The following ETV6 variants were observed in gnomAD, a reference collection of about 807,000 sequenced individuals.
The protein encoded by ETV6 is transcription factor ETV6.
ETV6 carries 16 observed loss-of-function variants against 51.1 expected under a neutral mutation model. The ratio of observed to expected loss-of-function variants is 0.31; its 90% CI spans 0.21 to 0.48. The LOEUF is 0.48. Ranked by LOEUF, ETV6 falls within the 20% of genes least tolerant of loss-of-function variation. ETV6 has a pLI of 0.99. For missense variants in ETV6, 458 were observed against 594.8 expected (o/e 0.77, Z 2.39); for synonymous variants, 240 against 224.1 (o/e 1.07, Z -0.64).
chr12:11,755,474 A>G (rs1208373100), intron 2 of ETV6, among the ~76,000 whole-genome samples: 1 of 152,150 alleles, frequency 6.6e-6, no homozygotes, highest in Non-Finnish European at 1.5e-5. Flanking sequence ...GGAGGTTCCC[A>G]GGCTCTTGCT....
chr12:11,723,574 T>A (rs1865433562), intron 1 of ETV6, among the ~76,000 whole-genome samples: 1 of 152,226 alleles, frequency 6.6e-6, no homozygotes, highest in African/African-American at 2.4e-5. Flanking sequence ...CTTTGCCTTT[T>A]ATTCCAGCGT....
chr12:11,858,898 GC>G (rs1243646995), intron 4 of ETV6, among the ~76,000 whole-genome samples: 1 of 152,112 alleles, frequency 6.6e-6, no homozygotes, highest in Non-Finnish European at 1.5e-5. Flanking sequence ...CATGGGAATG[GC>G]TCAATAATTG....
intron 4 of ETV6, among the ~76,000 whole-genome samples, chr12:11,859,243 T>G (rs1946679171): frequency 7.0e-6 from 1 of 143,588 alleles, no homozygotes; most frequent in African/African-American, 2.6e-5. Flanking sequence ...CTGGGTTCAC[T>G]CCATTCTCCT....
chr12:11,883,288 T>C (rs1331697152), intron 5 of ETV6, among the ~76,000 whole-genome samples: 1,392 of 40,130 alleles, frequency 0.035, 45 homozygotes, highest in Non-Finnish European at 0.072. Flanking sequence ...TTTTTTTTTT[T>C]TTTTTTTTTT....
At chr12:11,761,287 T>G (rs1945083163) in intron 2 of ETV6, among the ~76,000 whole-genome samples, 1 of 152,184 alleles carries the variant, frequency 6.6e-6, no homozygotes, top group Non-Finnish European at 1.5e-5. Context: ...AAATCAGAGC[T>G]ATAAACCAAA....
rs958607008 is a variant in ETV6, at chr12:11,698,854, G to T, written c.33+48694G>T. On this transcript the variant is annotated intron_variant, in intron 1 of 7. Coordinates refer to ENST00000396373, the MANE Select transcript of ETV6 (RefSeq NM_001987.5). ...TCAGTACATTCTTGTTTAGTTCTTA[G>T]CACAACCCTCTGAGTTAGGTATTAC... Among the ~76,000 whole-genome samples the T allele has an allele frequency of 3.3e-5, 5 of 152,308 alleles. No individual in the cohort carries two copies. The South Asian group carries it at 1.0e-3, about 32-fold the overall frequency.
chr12:11,668,340 A>G (rs1257651009), intron 1 of ETV6, among the ~76,000 whole-genome samples: 1 of 152,000 alleles, frequency 6.6e-6, no homozygotes, highest in Admixed American at 6.5e-5. Flanking sequence ...GCAAAAGCTA[A>G]CGTACTTTCC....
At chr12:11,756,125 CAGTGATAAAAGCAA>C (rs1276345458) in intron 2 of ETV6, among the ~76,000 whole-genome samples, 4 of 152,064 alleles carry the variant, frequency 2.6e-5, no homozygotes, top group Admixed American at 6.5e-5. Context: ...TTTTATTTGC[CAGTGATAAAAGCAA>C]AGTGATAAAT....
At chr12:11,689,516 A>T (rs1195512844) in intron 1 of ETV6, among the ~76,000 whole-genome samples, 2 of 152,180 alleles carry the variant, frequency 1.3e-5, no homozygotes, top group African/African-American at 4.8e-5. Context: ...CTTGATTGTC[A>T]TCCTGGCACA....
intron 2 of ETV6, among the ~76,000 whole-genome samples, chr12:11,773,035 A>C (rs1945265710): frequency 6.6e-6 from 1 of 152,050 alleles, no homozygotes; most frequent in South Asian, 2.1e-4. Context: ...TCTACTAAAA[A>C]TACAAAAAAT....
chr12:11,732,948 A>G (rs933853189), intron 1 of ETV6, among the ~76,000 whole-genome samples: 8 of 152,196 alleles, frequency 5.3e-5, no homozygotes, highest in Non-Finnish European at 1.5e-5. Flanking sequence ...GTGTAGAAAG[A>G]TTGTGGCTTT....
chr12:11,784,458 C>CA (rs33973168), intron 2 of ETV6, among the ~76,000 whole-genome samples: 27 of 118,252 alleles, frequency 2.3e-4, no homozygotes, highest in East Asian at 5.1e-4. Flanking sequence ...GACTCCATCT[C>CA]AAAAAAAAAA....
chr12:11,740,055 G>A (rs74060832), intron 1 of ETV6, among the ~76,000 whole-genome samples: 7,807 of 152,272 alleles, frequency 0.051, 646 homozygotes, highest in African/African-American at 0.18. Context: ...TAATCAGAAT[G>A]ATTTTAAAAT....
chr12:11,668,992 A>C (rs905069071), intron 1 of ETV6, among the ~76,000 whole-genome samples: 5 of 151,650 alleles, frequency 3.3e-5, no homozygotes, highest in Non-Finnish European at 7.4e-5. Flanking sequence ...GATCCCTACA[A>C]CTCTTTGCAA....
At chr12:11,809,299 T>C (rs1023220959) in intron 2 of ETV6, among the ~76,000 whole-genome samples, 6 of 150,708 alleles carry the variant, frequency 4.0e-5, no homozygotes, top group Non-Finnish European at 8.9e-5. Context: ...AAAATGAATA[T>C]AGGAAAAACA....
intron 1 of ETV6, among the ~76,000 whole-genome samples, chr12:11,676,392 G>A (rs1459732334): frequency 6.6e-6 from 1 of 152,082 alleles, no homozygotes; most frequent in African/African-American, 2.4e-5. Flanking sequence ...TTACTCTCAG[G>A]TTAAAGCCCA....
chr12:11,758,385 C>G (rs1945036171), intron 2 of ETV6, among the ~76,000 whole-genome samples: 2 of 152,166 alleles, frequency 1.3e-5, no homozygotes, highest in African/African-American at 4.8e-5. Context: ...GGTGGCTTCC[C>G]CATGCAGGAG....
At chr12:11,688,774 C>T (rs939190363) in intron 1 of ETV6, among the ~76,000 whole-genome samples, 22 of 152,198 alleles carry the variant, frequency 1.4e-4, no homozygotes, top group Non-Finnish European at 5.9e-5. Flanking sequence ...TGAGGTCTGG[C>T]TCTGGGTCCC....
At position 11,710,925 on chromosome 12, in the gene ETV6, G is replaced by A. The variant is rs142326828; in HGVS notation, c.34-41525G>A. 3.3e-5 allele frequency among the ~76,000 whole-genome samples: 5 copies of A among 152,282 alleles called. No individual in the cohort carries two copies. In the East Asian group the frequency reaches 7.7e-4, roughly 23 times the overall value. ...CCTACTTTGTGTTTAAGCAGATCCTGGAGGCTGCAGGATAGCCCATTGAGA... is the reference window on the plus strand; with the variant it reads ...CCTACTTTGTGTTTAAGCAGATCCTAGAGGCTGCAGGATAGCCCATTGAGA... On this transcript the variant is annotated intron_variant, in intron 1 of 7. Coordinates refer to ENST00000396373, the MANE Select transcript of ETV6 (RefSeq NM_001987.5).
Sources: gnomAD v4.1 joint callset for allele counts (sites outside exome capture counted in the v4.1 genomes callset) on GRCh38, gnomAD v4.1.1 for gene constraint, MANE v1.5 for transcripts, NCBI Gene and HGNC (gene_info 2026-07-23, HGNC 2026-07-21) for gene names.